TRPM3: variants seen among roughly 807,000 people sequenced by gnomAD.
TRPM3 encodes the protein long transient receptor potential channel 3.
TRPM3 carries 77 observed loss-of-function variants against 181.2 expected under a neutral mutation model. The ratio of observed to expected loss-of-function variants is 0.42; its 90% confidence interval spans 0.35 to 0.51. TRPM3 has a LOEUF of 0.51. Ranked by LOEUF, TRPM3 falls within the 20% of genes least tolerant of loss-of-function variation. The pLI, the probability that TRPM3 is intolerant of heterozygous loss-of-function variation, is 0.01. For missense variants in TRPM3, 1,759 were observed against 2,196.7 expected, an observed-to-expected ratio of 0.80 and a Z score of 3.98; for synonymous variants, 745 against 796.4, an observed-to-expected ratio of 0.94 and a Z score of 1.09.
chr9:71,438,649 G>A (rs1307602006), intron 1 of TRPM3, among the ~76,000 whole-genome samples: 1 of 152,192 alleles, frequency 6.6e-6, no homozygotes, highest in African/African-American at 2.4e-5. Context: ...CCCCAGCCTG[G>A]GCGATAGAGT....
chr9:70,603,279 C>A (rs577389411), intron 20 of TRPM3, 63 bp downstream of exon 20: 3 of 1,563,540 alleles, frequency 1.9e-6, no homozygotes, highest in African/African-American at 2.7e-5. Context: ...CCTGTCCCCT[C>A]CATCCACAGA....
chr9:70,605,287 C>T (rs1243293006), intron 19 of TRPM3, among the ~76,000 whole-genome samples: 1 of 152,110 alleles, frequency 6.6e-6, no homozygotes, highest in African/African-American at 2.4e-5. Flanking sequence ...TCCAAGGTAT[C>T]TCTGAGACCC....
Position 70,668,958 on chromosome 9 carries a change from G to C in TRPM3, c.1345+12548C>G, listed in dbSNP as rs570414120. 3.3e-5 allele frequency among the ~76,000 whole-genome samples: 5 copies of C among 152,320 alleles called. No individual in the cohort carries two copies. In the South Asian group the frequency reaches 1.0e-3, roughly 32 times the overall value. ...CCATAGCCCTGCTGGGAAGTCGGCAGTGATGAGTTCCTCACAAGCCAAGAG... is the reference window on the plus strand; with the variant it reads ...CCATAGCCCTGCTGGGAAGTCGGCACTGATGAGTTCCTCACAAGCCAAGAG... On this transcript the variant is annotated intron_variant, in intron 9 of 25. Coordinates refer to ENST00000677713, the MANE Select transcript of TRPM3 (RefSeq NM_001366145.2).
At chr9:70,889,942 T>C (rs2096168573) in intron 1 of TRPM3, among the ~76,000 whole-genome samples, 2 of 148,406 alleles carry the variant, frequency 1.3e-5, no homozygotes, top group South Asian at 2.1e-4. Context: ...ATATATGCTA[T>C]ATACTATATA....
intron 20 of TRPM3, among the ~76,000 whole-genome samples, chr9:70,599,208 C>T (rs2059481554): frequency 2.0e-5 from 3 of 152,160 alleles, no homozygotes; most frequent in South Asian, 4.1e-4. Context: ...TCCCCATCAT[C>T]GTCATTGCCC....
chr9:70,698,171 G>A (rs555382467), intron 8 of TRPM3, among the ~76,000 whole-genome samples: 3 of 146,614 alleles, frequency 2.0e-5, no homozygotes, highest in African/African-American at 7.6e-5. Context: ...TCGCATCACC[G>A]CACTCCAGCT....
intron 1 of TRPM3, among the ~76,000 whole-genome samples, chr9:71,048,176 T>G (rs2059675213): frequency 6.6e-6 from 1 of 152,180 alleles, no homozygotes; most frequent in Non-Finnish European, 1.5e-5. Flanking sequence ...AACACTTTTA[T>G]TAAAGGAAGA....
intron 1 of TRPM3, among the ~76,000 whole-genome samples, chr9:71,338,618 A>C (rs2090740466): frequency 6.6e-6 from 1 of 150,604 alleles, no homozygotes; most frequent in Non-Finnish European, 1.5e-5. Context: ...TGTAAAAGTA[A>C]TCAAAATCCT....
chr9:71,399,483 T>A (rs1020795356), intron 1 of TRPM3, among the ~76,000 whole-genome samples: 2 of 151,994 alleles, frequency 1.3e-5, no homozygotes, highest in South Asian at 4.1e-4. Flanking sequence ...TTTGGATAAT[T>A]TAAAGATAGA....
chr9:71,046,107 C>T (rs2059403359), intron 1 of TRPM3, among the ~76,000 whole-genome samples: 1 of 151,896 alleles, frequency 6.6e-6, no homozygotes, highest in African/African-American at 2.4e-5. Flanking sequence ...TTCTCTGCCT[C>T]AGCCTCCCGA....
intron 6 of TRPM3, among the ~76,000 whole-genome samples, chr9:70,794,846 C>T (rs1292964750): frequency 1.3e-5 from 2 of 152,208 alleles, no homozygotes; most frequent in African/African-American, 4.8e-5. Flanking sequence ...GGCAGAAATG[C>T]ATCTTGACAT....
chr9:70,897,802 T>C (rs2096302116), intron 1 of TRPM3, among the ~76,000 whole-genome samples: 1 of 152,190 alleles, frequency 6.6e-6, no homozygotes, highest in Non-Finnish European at 1.5e-5. Context: ...ACCAACCTAA[T>C]AGAAGAAATT....
intron 1 of TRPM3, among the ~76,000 whole-genome samples, chr9:71,171,276 C>T (rs1329602294): frequency 6.6e-6 from 1 of 152,206 alleles, no homozygotes; most frequent in Non-Finnish European, 1.5e-5. Flanking sequence ...CCTGCCTCCA[C>T]TTGCCTTGTG....
chr9:70,693,653 A>G (rs1382849293), intron 8 of TRPM3, among the ~76,000 whole-genome samples: 1 of 152,108 alleles, frequency 6.6e-6, no homozygotes, highest in Non-Finnish European at 1.5e-5. Flanking sequence ...TAGACAGAGA[A>G]GTTTTCTTGC....
chr9:71,307,695 T>G (rs1040027475), intron 1 of TRPM3, among the ~76,000 whole-genome samples: 17 of 152,188 alleles, frequency 1.1e-4, no homozygotes, highest in African/African-American at 3.9e-4. Context: ...CCATCTTGGA[T>G]GTACTAACAT....
At chr9:71,373,191 T>C (rs1242320240) in intron 1 of TRPM3, among the ~76,000 whole-genome samples, 5 of 151,686 alleles carry the variant, frequency 3.3e-5, no homozygotes, top group African/African-American at 9.7e-5. Context: ...CAGTTAACAA[T>C]CTAACATCTC....
chr9:71,404,183 T>C (rs1467496940), intron 1 of TRPM3, among the ~76,000 whole-genome samples: 1 of 152,192 alleles, frequency 6.6e-6, no homozygotes, highest in Non-Finnish European at 1.5e-5. Flanking sequence ...AAAATGTCTA[T>C]GTCCTTGGCA....
intron 1 of TRPM3, among the ~76,000 whole-genome samples, chr9:71,163,843 AAG>A (rs563883407): frequency 3.4e-4 from 52 of 152,194 alleles, no homozygotes; most frequent in Non-Finnish European, 6.6e-4. Flanking sequence ...AAACCAAAGA[AAG>A]AGATTTTTAG....
intron 1 of TRPM3, among the ~76,000 whole-genome samples, chr9:71,131,779 GAAC>G (rs574891149): frequency 1.0e-3 from 158 of 152,248 alleles, no homozygotes; most frequent in African/African-American, 3.6e-3. Flanking sequence ...TGCAGGTAGA[GAAC>G]AACATCTACA....
Sources: gnomAD v4.1 joint callset for allele counts (sites outside exome capture counted in the v4.1 genomes callset) on GRCh38, gnomAD v4.1.1 for gene constraint, MANE v1.5 for transcripts, NCBI Gene and HGNC (gene_info 2026-07-23, HGNC 2026-07-21) for gene names.